ST7: variants seen among roughly 807,000 people sequenced by gnomAD.
The protein encoded by ST7 is suppression of tumorigenicity 7.
A neutral mutation model predicts 78.7 loss-of-function variants in ST7; 28 were observed. The ratio of observed to expected loss-of-function variants is 0.36; its 90% CI spans 0.26 to 0.49. The LOEUF is 0.49. Ranked by LOEUF, ST7 falls within the 20% of genes least tolerant of loss-of-function variation. The pLI is 0.99. For synonymous variants in ST7, 247 were observed against 249.6 expected (o/e 0.99, Z 0.10); for missense variants, 418 against 696.0 (o/e 0.60, Z 4.49).
At chr7:117,115,106 T>C (rs530469527) in intron 2 of ST7, among the ~76,000 whole-genome samples, 5 of 152,220 alleles carry the variant, frequency 3.3e-5, no homozygotes, top group African/African-American at 1.2e-4. Context: ...TTGTAAGATA[T>C]AGGTCCAAAC....
chr7:117,059,423 A>G (rs1798234463), intron 1 of ST7, among the ~76,000 whole-genome samples: 2 of 152,202 alleles, frequency 1.3e-5, no homozygotes, highest in South Asian at 4.1e-4. Context: ...GGCAAGAAAT[A>G]TGTCTTTGCC....
At chr7:117,054,959 G>T (rs1022103323) in intron 1 of ST7, among the ~76,000 whole-genome samples, 1 of 152,188 alleles carries the variant, frequency 6.6e-6, no homozygotes, top group Non-Finnish European at 1.5e-5. Context: ...CCCCAGTCAT[G>T]CATTCATTGG....
chr7:117,100,332 G>A (rs372462057), intron 2 of ST7, among the ~76,000 whole-genome samples: 17 of 151,896 alleles, frequency 1.1e-4, no homozygotes, highest in African/African-American at 2.4e-4. Context: ...AAAATTAACC[G>A]GGTGTAGTGG....
intron 3 of ST7, among the ~76,000 whole-genome samples, chr7:117,121,971 A>G (rs1803411615): frequency 6.6e-6 from 1 of 151,728 alleles, no homozygotes; most frequent in Admixed American, 6.6e-5. Flanking sequence ...AGAAGCTAGA[A>G]ATAAAGCCGT....
intron 12 of ST7, among the ~76,000 whole-genome samples, chr7:117,201,551 T>G (rs534832111): frequency 2.4e-4 from 35 of 147,238 alleles, no homozygotes; most frequent in Admixed American, 4.0e-4. Context: ...TATGTTTTTT[T>G]TGTGTGTGGT....
chr7:117,145,766 T>G (rs1805734136), intron 9 of ST7, among the ~76,000 whole-genome samples: 1 of 152,136 alleles, frequency 6.6e-6, no homozygotes, highest in Admixed American at 6.5e-5. Context: ...CAATAGCAGG[T>G]CATATATAAA....
intron 1 of ST7, among the ~76,000 whole-genome samples, chr7:117,071,160 A>T (rs565753701): frequency 2.6e-5 from 4 of 152,140 alleles, no homozygotes; most frequent in Non-Finnish European, 5.9e-5. Flanking sequence ...CGGAGCTTGC[A>T]GTGAGCCGAG....
In ST7 at chr7:117,174,626, C is replaced by T. The variant is rs544900695; in HGVS notation, c.1078+3650C>T. Among the ~76,000 whole-genome samples, 4 of 152,304 alleles carry T rather than the reference C, an allele frequency of 2.6e-5. No homozygotes were observed. The East Asian group carries it at 5.8e-4, about 22-fold the overall frequency. ...TGCTTTTAACCACCACACTTACACT[C>T]TTTCTGCTGTTGGTAGTATTTATTT... is the stretch of plus-strand genomic sequence containing the variant. On this transcript the variant is annotated intron_variant, in intron 10 of 15. Transcript: ENST00000323984.
intron 13 of ST7, among the ~76,000 whole-genome samples, chr7:117,213,092 T>C (rs1792418795): frequency 6.6e-6 from 1 of 152,318 alleles, no homozygotes; most frequent in Admixed American, 6.5e-5. Context: ...CCCAGATTGG[T>C]GACTTCAGGA....
At chr7:117,175,363 A>C (rs942548553) in intron 10 of ST7, among the ~76,000 whole-genome samples, 1 of 152,236 alleles carries the variant, frequency 6.6e-6, no homozygotes, top group Non-Finnish European at 1.5e-5. Flanking sequence ...AGTCCCAAAG[A>C]TTAGGGTGGG....
chr7:117,103,582 C>G lies in ST7; in HGVS notation c.234+3738C>G, dbSNP rs1266048519. ...ATGAAGCTGGACCTCTATCTCTCAC[C>G]ATATGCAAAATCAAATCAAAATGGA... is the stretch of plus-strand genomic sequence containing the variant. On this transcript the variant is annotated intron_variant, in intron 2 of 15. Transcript: ENST00000323984. Among the ~76,000 whole-genome samples the G allele has an allele frequency of 2.6e-5, 4 of 152,028 alleles. No homozygotes were observed. In the South Asian group the frequency reaches 6.3e-4, roughly 24 times the overall value.
intron 10 of ST7, among the ~76,000 whole-genome samples, chr7:117,181,367 CATT>C (rs765823049): frequency 3.3e-5 from 5 of 152,118 alleles, no homozygotes; most frequent in Non-Finnish European, 5.9e-5. Flanking sequence ...ATCACACTAA[CATT>C]ATGGGATAGT....
chr7:117,169,558 C>T (rs1333526743), intron 9 of ST7, among the ~76,000 whole-genome samples: 1 of 152,116 alleles, frequency 6.6e-6, no homozygotes, highest in Non-Finnish European at 1.5e-5. Context: ...TCTCTTCATC[C>T]TCATCCAGTG....
chr7:117,063,122 G>T (rs576176615), intron 1 of ST7, among the ~76,000 whole-genome samples: 1 of 152,212 alleles, frequency 6.6e-6, no homozygotes, highest in East Asian at 1.9e-4. Context: ...AGATAAAACT[G>T]GAAATAGAAT....
chr7:117,091,832 G>T (rs1211067694), intron 1 of ST7, among the ~76,000 whole-genome samples: 1 of 152,020 alleles, frequency 6.6e-6, no homozygotes, highest in African/African-American at 2.4e-5. Context: ...TTCTGCTCTG[G>T]GCCTCACAAG....
intron 12 of ST7, among the ~76,000 whole-genome samples, chr7:117,200,913 A>T (rs1435913707): frequency 6.6e-6 from 1 of 151,944 alleles, no homozygotes; most frequent in Non-Finnish European, 1.5e-5. Context: ...GTGGAAGAAA[A>T]CATCGTGGTA....
chr7:117,187,104 C>T (rs982972746), intron 10 of ST7, among the ~76,000 whole-genome samples: 4 of 152,252 alleles, frequency 2.6e-5, no homozygotes, highest in East Asian at 1.9e-4. Flanking sequence ...GTGATTCATC[C>T]CTCCTTAGAG....
At position 117,219,430 on chromosome 7, in the gene ST7, T is replaced by G. The variant is rs561605856; in HGVS notation, c.1498+254T>G. Among the ~76,000 whole-genome samples, 2 of 152,348 alleles carry G rather than the reference T, an allele frequency of 1.3e-5. No homozygotes were observed. The highest frequency in any genetic ancestry group is 4.1e-4 in the South Asian group (2 of 4,820). ...ATGTAGCTGAAGAAACCCTATGTAC[T>G]GATTGGCCTGAGCACAGAGACCCCT... On this transcript the variant is annotated intron_variant, in intron 14 of 15. Transcript: ENST00000323984. This position sits in a 1 kb window ranked among gnomAD's most constrained non-coding sequence, Gnocchi z 5.1.
chr7:117,038,225 A>T (rs530590243), intron 1 of ST7, among the ~76,000 whole-genome samples: 1 of 152,334 alleles, frequency 6.6e-6, no homozygotes, highest in African/African-American at 2.4e-5. Flanking sequence ...TGGTTCCTGC[A>T]TTAACCTATG....
Sources: gnomAD v4.1 joint callset for allele counts (sites outside exome capture counted in the v4.1 genomes callset) on GRCh38, gnomAD v4.1.1 for gene constraint, Gnocchi (gnomAD v3.1) non-coding constraint, MANE v1.5 for transcripts, NCBI Gene and HGNC (gene_info 2026-07-23, HGNC 2026-07-21) for gene names.